ELP4: variants seen among roughly 807,000 people sequenced by gnomAD.
ELP4 encodes elongator acetyltransferase complex subunit 4.
ELP4 carries 51 observed loss-of-function variants against 48.9 expected under a neutral mutation model. The observed-to-expected ratio is 1.04, with a 90% confidence interval of 0.83 to 1.32. The LOEUF is 1.32. ELP4 is among the 40% of genes most tolerant of loss of function. The probability of loss-of-function intolerance (pLI) is 0.00; values close to 1 mark genes in which losing one functional copy is unlikely to be tolerated. For missense variants in ELP4, 519 were observed against 514.6 expected (o/e 1.01, Z -0.08); for synonymous variants, 210 against 189.2 (o/e 1.11, Z -0.90).
intron 9 of ELP4, among the ~76,000 whole-genome samples, chr11:31,766,088 T>G (rs1000687576): frequency 3.3e-5 from 5 of 152,026 alleles, no homozygotes; most frequent in Non-Finnish European, 7.4e-5. Flanking sequence ...AGTCTTTAAT[T>G]TAGAAAAAAA....
intron 9 of ELP4, among the ~76,000 whole-genome samples, chr11:31,704,943 A>G (rs902610112): frequency 6.6e-6 from 1 of 151,594 alleles, no homozygotes; most frequent in Non-Finnish European, 1.5e-5. Flanking sequence ...CCTGGGAGGC[A>G]GAGGTTGTGG....
At chr11:31,656,922 A>G (rs1239094680) in intron 9 of ELP4, among the ~76,000 whole-genome samples, 1 of 152,092 alleles carries the variant, frequency 6.6e-6, no homozygotes, top group Non-Finnish European at 1.5e-5. Flanking sequence ...TCCAGTTTAC[A>G]TGATACTCTC....
At chr11:31,646,116 C>T (rs905073038) in intron 7 of ELP4, 3 of 151,706 alleles carry the variant, frequency 2.0e-5, no homozygotes, top group African/African-American at 7.2e-5. Flanking sequence ...GGACCATCCC[C>T]TGTGGCACAG....
chr11:31,778,531 G>T (rs1948295771), intron 9 of ELP4, among the ~76,000 whole-genome samples: 1 of 152,188 alleles, frequency 6.6e-6, no homozygotes, highest in African/African-American at 2.4e-5. Context: ...AACCACCTCA[G>T]ATCCATTTTT....
At chr11:31,713,424 T>A (rs1946781492) in intron 9 of ELP4, among the ~76,000 whole-genome samples, 2 of 152,160 alleles carry the variant, frequency 1.3e-5, no homozygotes, top group South Asian at 4.1e-4. Context: ...TCAATAACAT[T>A]GAAGCAAATA....
chr11:31,519,721 A>C (rs932074870), intron 1 of ELP4, among the ~76,000 whole-genome samples: 9 of 152,034 alleles, frequency 5.9e-5, no homozygotes, highest in African/African-American at 2.2e-4. Context: ...GCTACTCAGG[A>C]GGCTGAGGCA....
At chr11:31,678,636 AGTTT>A (rs1263026734) in intron 9 of ELP4, among the ~76,000 whole-genome samples, 5 of 151,682 alleles carry the variant, frequency 3.3e-5, no homozygotes, top group Non-Finnish European at 5.9e-5. Context: ...GGTGTACCAT[AGTTT>A]GTTTATTCGT....
At chr11:31,545,189 C>T (rs1336322121) in intron 3 of ELP4, among the ~76,000 whole-genome samples, 2 of 152,084 alleles carry the variant, frequency 1.3e-5, no homozygotes, top group African/African-American at 2.4e-5. Flanking sequence ...AAACTACGAG[C>T]TACAGGAGGA....
rs369744295 is a variant in ELP4, at chr11:31,722,637, ACTT to A, written c.1144-60755_1144-60753del. 3.9e-4 allele frequency among the ~76,000 whole-genome samples: 59 copies of A among 149,648 alleles called. No homozygotes were observed. In the East Asian group the frequency reaches 0.011, roughly 27 times the overall value. Reference sequence around the variant, plus strand: ...TGCCATTAAAAATACTAAAACATGAACTTTTTCCCTTTCTCCCAAGGTGTCTCT... The same window carrying A: ...TGCCATTAAAAATACTAAAACATGAATTTCCCTTTCTCCCAAGGTGTCTCT... On this transcript the variant is annotated intron_variant, in intron 9 of 9. Transcript: ENST00000640961.
intron 2 of ELP4, among the ~76,000 whole-genome samples, chr11:31,526,360 T>C (rs1261982004): frequency 2.6e-5 from 4 of 152,122 alleles, no homozygotes; most frequent in Non-Finnish European, 4.4e-5. Context: ...TTATTATTTA[T>C]TGGAGACTAT....
At chr11:31,547,019 C>T (rs900396647) in intron 3 of ELP4, among the ~76,000 whole-genome samples, 23 of 151,886 alleles carry the variant, frequency 1.5e-4, no homozygotes, top group African/African-American at 4.6e-4. Flanking sequence ...ACTAAATGCC[C>T]ACAAGAGAAA....
At chr11:31,685,238 C>T (rs1236054530) in intron 9 of ELP4, among the ~76,000 whole-genome samples, 2 of 152,196 alleles carry the variant, frequency 1.3e-5, no homozygotes, top group Middle Eastern at 3.4e-3. Context: ...GTAATCCCAG[C>T]TACTTGGGAG....
chr11:31,520,212 T>C (rs1057324987), intron 2 of ELP4, 121 bp downstream of exon 2: 13 of 804,960 alleles, frequency 1.6e-5, no homozygotes, highest in Non-Finnish European at 2.5e-5. Context: ...TTAAGATAAA[T>C]TAGAGAGGAA....
At chr11:31,759,762 A>G (rs1396934352) in intron 9 of ELP4, among the ~76,000 whole-genome samples, 5 of 147,586 alleles carry the variant, frequency 3.4e-5, no homozygotes, top group African/African-American at 1.3e-4. Context: ...GCTGGAGTGC[A>G]GTGGCACGGG....
At chr11:31,552,713 A>G (rs1956872533) in intron 3 of ELP4, among the ~76,000 whole-genome samples, 1 of 152,108 alleles carries the variant, frequency 6.6e-6, no homozygotes, top group African/African-American at 2.4e-5. Flanking sequence ...TCTCACCAAA[A>G]TATTCAGTGA....
At chr11:31,577,760 ACT>A (rs566191149) in intron 3 of ELP4, among the ~76,000 whole-genome samples, 1 of 152,180 alleles carries the variant, frequency 6.6e-6, no homozygotes, top group African/African-American at 2.4e-5. Context: ...CATGCTAAAA[ACT>A]CTCAATAAAC....
chr11:31,647,230 T>C (rs1455224809), intron 7 of ELP4: 1 of 151,890 alleles, frequency 6.6e-6, no homozygotes, highest in African/African-American at 2.4e-5. Context: ...CCTTTCCATG[T>C]TTCTAATATG....
intron 9 of ELP4, among the ~76,000 whole-genome samples, chr11:31,747,876 T>C (rs1369517046): frequency 6.6e-6 from 1 of 152,224 alleles, no homozygotes; most frequent in African/African-American, 2.4e-5. Flanking sequence ...AGACAGGTAG[T>C]AGAAAGTAAA....
intron 6 of ELP4, chr11:31,628,515 A>G (rs1410658333): frequency 6.6e-6 from 1 of 152,046 alleles, no homozygotes; most frequent in Non-Finnish European, 1.5e-5. Flanking sequence ...ATAGGAATAG[A>G]GTAAAACATT....
Sources: allele counts gnomAD v4.1 joint callset (sites outside exome capture counted in the v4.1 genomes callset), GRCh38; gene constraint gnomAD v4.1.1; transcripts MANE v1.5; gene names NCBI Gene and HGNC (gene_info 2026-07-23, HGNC 2026-07-21).